Variants in GPCPD1 observed in about 807,000 individuals in gnomAD.
GPCPD1 encodes the protein glycerophosphocholine phosphodiesterase 1.
GPCPD1 carries 29 observed loss-of-function variants against 89.2 expected under a neutral mutation model. That is an observed-to-expected ratio of 0.33 (90% CI 0.24 to 0.44). The LOEUF is 0.44. Among genes scored for constraint, GPCPD1 ranks in the 20% least tolerant of loss-of-function variants. The probability of loss-of-function intolerance (pLI) is 1.00; values close to 1 mark genes in which losing one functional copy is unlikely to be tolerated. For synonymous variants in GPCPD1, 258 were observed against 266.3 expected (o/e 0.97, Z 0.30); for missense variants, 594 against 808.9 (o/e 0.73, Z 3.22).
intron 14 of GPCPD1, among the ~76,000 whole-genome samples, chr20:5,566,219 CT>C (rs1184125782): frequency 6.6e-6 from 1 of 152,158 alleles, no homozygotes; most frequent in African/African-American, 2.4e-5. Flanking sequence ...TTTCCTACCC[CT>C]GAGGGGCTAA....
intron 3 of GPCPD1, among the ~76,000 whole-genome samples, chr20:5,595,916 G>A (rs112197779): frequency 1.3e-3 from 198 of 152,136 alleles, no homozygotes; most frequent in African/African-American, 3.6e-3. Context: ...TGTGAAAAAC[G>A]TGCTGCCGCC....
chr20:5,568,564 A>C (rs1249985067), intron 12 of GPCPD1, among the ~76,000 whole-genome samples: 1 of 152,162 alleles, frequency 6.6e-6, no homozygotes, highest in African/African-American at 2.4e-5. Context: ...TAGCCTGGTG[A>C]AAATGGGGCA....
chr20:5,590,492 G>A (rs1012564929), intron 4 of GPCPD1, among the ~76,000 whole-genome samples: 2 of 135,180 alleles, frequency 1.5e-5, no homozygotes, highest in African/African-American at 5.9e-5. Context: ...GCAGTGAGCC[G>A]AGATCGTGCC....
Position 5,581,790 on chromosome 20 carries a change from T to A in GPCPD1, c.350-1659A>T, listed in dbSNP as rs1978501105. Among the ~76,000 whole-genome samples the A allele has an allele frequency of 4.1e-5, 6 of 148,140 alleles. No homozygotes were observed. The South Asian group carries it at 1.1e-3, about 26-fold the overall frequency. ...TAGAAATTCTCTCCTAACTTAAGAA[T>A]GCTTAATAATTGTGGGACTTTAACT... On this transcript the variant is annotated intron_variant, in intron 6 of 19. Transcript: ENST00000379019.
chr20:5,568,220 A>AATATACTTCGTATATATATAT (rs1986501459), intron 12 of GPCPD1, among the ~76,000 whole-genome samples: 1 of 136,966 alleles, frequency 7.3e-6, no homozygotes, highest in East Asian at 2.2e-4. Flanking sequence ...CTGTCCAACA[A>AATATACTTCGTATATATATAT]ATATACTTAG....
At chr20:5,574,420 A>C (rs954388111) in intron 10 of GPCPD1, among the ~76,000 whole-genome samples, 8 of 152,172 alleles carry the variant, frequency 5.3e-5, no homozygotes, top group Non-Finnish European at 1.0e-4. Context: ...TAAGAACAGA[A>C]AGGGGGAAAA....
chr20:5,579,031 T>A (rs2122682376), intron 7 of GPCPD1, among the ~76,000 whole-genome samples: 1 of 149,576 alleles, frequency 6.7e-6, no homozygotes, highest in Middle Eastern at 3.4e-3. Context: ...GCAAAAAATA[T>A]AAAAATTATT....
At chr20:5,568,631 G>A (rs1258661556) in intron 12 of GPCPD1, among the ~76,000 whole-genome samples, 1 of 152,158 alleles carries the variant, frequency 6.6e-6, no homozygotes, top group Non-Finnish European at 1.5e-5. Flanking sequence ...TTGGCCGGGT[G>A]CAGTGGCTCA....
At chr20:5,593,041 T>C (rs1979442360) in intron 4 of GPCPD1, among the ~76,000 whole-genome samples, 2 of 152,192 alleles carry the variant, frequency 1.3e-5, no homozygotes, top group African/African-American at 4.8e-5. Flanking sequence ...GGTTCCTAAC[T>C]AGTTTACAAA....
At chr20:5,558,185 C>A in intron 18 of GPCPD1, 80 bp from the exon 19 acceptor site, 1 of 777,650 alleles carries the variant, frequency 1.3e-6, no homozygotes, top group South Asian at 2.1e-5. Flanking sequence ...AATCAGTGCT[C>A]TCCAAAGTAC....
chr20:5,570,822 AG>A (rs1986674890), intron 11 of GPCPD1, among the ~76,000 whole-genome samples: 1 of 152,206 alleles, frequency 6.6e-6, no homozygotes. Context: ...TCCTAATGAA[AG>A]CCAAACAAAT....
At chr20:5,569,458 G>GT (rs1241004701) in intron 12 of GPCPD1, among the ~76,000 whole-genome samples, 1 of 151,726 alleles carries the variant, frequency 6.6e-6, no homozygotes, top group African/African-American at 2.4e-5. Context: ...AACAATTACA[G>GT]TTTTTTTACA....
At chr20:5,579,947 T>A in intron 7 of GPCPD1, 61 bp downstream of exon 7, 1 of 1,043,230 alleles carries the variant, frequency 9.6e-7, no homozygotes, top group Non-Finnish European at 1.4e-6. Context: ...ACCAATTGAG[T>A]CTGAAATCTA....
intron 11 of GPCPD1, among the ~76,000 whole-genome samples, chr20:5,572,883 T>TTTAAAAGA (rs1374551633): frequency 3.9e-5 from 6 of 152,098 alleles, no homozygotes; most frequent in African/African-American, 1.4e-4. Context: ...TTATTTATTT[T>TTTAAAAGA]TTAAAAGAGA....
Position 5,547,770 on chromosome 20 carries a change from A to C in GPCPD1, c.1910T>G (p.Leu637Arg). ...LERLKQELPE[L>R]KSCLCPTVSR... Reference sequence around the variant, plus strand: ...AACAGTGGGACACAAACAGCTCTTAAGCTCTGGCAATTCCTGCTTCAGGCG... The same window carrying C: ...AACAGTGGGACACAAACAGCTCTTACGCTCTGGCAATTCCTGCTTCAGGCG... Residue 637 changes from leucine (L) to arginine (R), a missense_variant, in exon 20 of 20, where the codon CTT becomes CGT. Transcript: ENST00000379019. 1 of 1,611,450 alleles carries C rather than the reference A, an allele frequency of 6.2e-7. No individual in the cohort carries two copies. Among genetic ancestry groups the C allele is most frequent in the African/African-American group, 1.3e-5 (1 of 75,010 alleles).
intron 1 of GPCPD1, among the ~76,000 whole-genome samples, chr20:5,605,391 A>G (rs1479823984): frequency 6.6e-6 from 1 of 152,202 alleles, no homozygotes; most frequent in East Asian, 1.9e-4. Flanking sequence ...GAAACAACCA[A>G]AGTATCACCC....
intron 8 of GPCPD1, among the ~76,000 whole-genome samples, chr20:5,577,411 C>A (rs1222468431): frequency 6.6e-6 from 1 of 150,460 alleles, no homozygotes; most frequent in Non-Finnish European, 1.5e-5. Context: ...TCACTTGCAC[C>A]CAGGAGATTG....
At chr20:5,595,854 T>C (rs1239188910) in intron 3 of GPCPD1, among the ~76,000 whole-genome samples, 6 of 152,076 alleles carry the variant, frequency 3.9e-5, no homozygotes, top group Admixed American at 3.3e-4. Flanking sequence ...AAACAGCCAG[T>C]TGGAGCATGT....
Position 5,593,337 on chromosome 20 carries a change from A to G in GPCPD1, c.221T>C (p.Leu74Ser), listed in dbSNP as rs200328880. 2 of 1,547,664 alleles carry G rather than the reference A, an allele frequency of 1.3e-6. No individual in the cohort carries two copies. Among genetic ancestry groups the G allele is most frequent in the East Asian group, 4.5e-5 (2 of 44,498 alleles). Reference protein sequence around the residue: ...VQYRYFKGYFLEPKTIGGPCQ... With the variant: ...VQYRYFKGYFSEPKTIGGPCQ... ...ATAAAGAAAACATACCTTTGGTTCT[A>G]AAAAGTACCCTTTGAAGTAGCGATA... The change falls in exon 4 of 20, where the codon TTA becomes TCA. Residue 74 changes from leucine (L) to serine (S), a missense_variant. Coordinates refer to ENST00000379019, the MANE Select transcript of GPCPD1 (RefSeq NM_019593.5).
Sources: gnomAD v4.1 joint callset for allele counts (sites outside exome capture counted in the v4.1 genomes callset) on GRCh38, gnomAD v4.1.1 for gene constraint, MANE v1.5 for transcripts, NCBI Gene and HGNC (gene_info 2026-07-23, HGNC 2026-07-21) for gene names.